The following KCNIP4 variants were observed in gnomAD, a reference collection of about 807,000 sequenced individuals.
KCNIP4 encodes the protein potassium voltage-gated channel interacting protein 4.
KCNIP4 carries 12 observed loss-of-function variants against 34.0 expected under a neutral mutation model. The observed-to-expected ratio is 0.35, with a 90% CI of 0.23 to 0.57. KCNIP4 has a LOEUF of 0.57. Ranked by LOEUF, KCNIP4 falls within the 20% of genes least tolerant of loss-of-function variation. The pLI is 0.83. For missense variants in KCNIP4, 238 were observed against 311.7 expected (o/e 0.76, Z 1.78); for synonymous variants, 124 against 102.2 (o/e 1.21, Z -1.29).
chr4:21,121,912 C>T (rs1027013221), intron 1 of KCNIP4, among the ~76,000 whole-genome samples: 3 of 152,098 alleles, frequency 2.0e-5, no homozygotes, highest in Admixed American at 6.5e-5. Context: ...AAATTGGAGG[C>T]AATGGCCATC....
At chr4:21,213,120 A>G (rs916332933) in intron 1 of KCNIP4, among the ~76,000 whole-genome samples, 1 of 152,120 alleles carries the variant, frequency 6.6e-6, no homozygotes, top group Non-Finnish European at 1.5e-5. Flanking sequence ...GACGAGGTGC[A>G]TGCTGTTTCT....
chr4:21,800,439 G>T (rs532038468), intron 1 of KCNIP4, among the ~76,000 whole-genome samples: 1 of 152,148 alleles, frequency 6.6e-6, no homozygotes, highest in African/African-American at 2.4e-5. Flanking sequence ...TTATAAAAAT[G>T]AACCAAATCA....
intron 4 of KCNIP4, 76 bp downstream of exon 4, chr4:20,758,745 A>T: frequency 9.4e-7 from 1 of 1,064,304 alleles, no homozygotes; most frequent in Non-Finnish European, 1.4e-6. Flanking sequence ...GCATCATGCT[A>T]TGAAAAATTA....
At chr4:21,254,792 C>A (rs533097949) in intron 1 of KCNIP4, among the ~76,000 whole-genome samples, 1 of 152,118 alleles carries the variant, frequency 6.6e-6, no homozygotes, top group Admixed American at 6.6e-5. Context: ...AACCTGTAAC[C>A]AAACTTTGGT....
chr4:20,992,042 G>A (rs892021900), intron 1 of KCNIP4, among the ~76,000 whole-genome samples: 2 of 152,222 alleles, frequency 1.3e-5, no homozygotes, highest in Non-Finnish European at 2.9e-5. Context: ...TTCCAATTCT[G>A]AAGAGAAACT....
rs768668990 is a variant in KCNIP4 at position 20,905,522 on chromosome 4, T to TTTTTTTTTTTTTTTTG, written c.62-22814_62-22813insCAAAAAAAAAAAAAAA. 1.8e-3 allele frequency among the ~76,000 whole-genome samples: 199 copies of TTTTTTTTTTTTTTTTG among 111,170 alleles called. 4 individuals are homozygous for TTTTTTTTTTTTTTTTG. The highest frequency in any genetic ancestry group is 5.5e-3 in the Middle Eastern group (1 of 182). The allele number at this position is 111,170 out of a possible 152,430, so 72.9% of individuals were successfully genotyped here. On this transcript the variant is annotated intron_variant, in intron 1 of 8. Coordinates refer to ENST00000382152, the MANE Select transcript of KCNIP4 (RefSeq NM_025221.6). ...AACGTTTTCTTTCTTTTTTTTTTTT[T>TTTTTTTTTTTTTTTTG]TTTGTTTGAGATGGAGTCTTGCTCT...
chr4:21,092,888 C>G (rs1747124238), intron 1 of KCNIP4, among the ~76,000 whole-genome samples: 1 of 152,134 alleles, frequency 6.6e-6, no homozygotes, highest in South Asian at 2.1e-4. Context: ...ACAGGTGGAC[C>G]AACATGATCT....
chr4:21,197,271 A>T (rs2109363789), intron 1 of KCNIP4, among the ~76,000 whole-genome samples: 1 of 152,310 alleles, frequency 6.6e-6, no homozygotes, highest in East Asian at 1.9e-4. Context: ...TGGGTATATA[A>T]CTAGGAGTGG....
intron 1 of KCNIP4, among the ~76,000 whole-genome samples, chr4:21,793,798 G>A (rs191469484): frequency 6.6e-6 from 1 of 152,070 alleles, no homozygotes; most frequent in East Asian, 1.9e-4. Context: ...ATACCCAAAG[G>A]ATTATAAATC....
At chr4:21,332,933 T>A (rs1435939565) in intron 1 of KCNIP4, among the ~76,000 whole-genome samples, 1 of 152,102 alleles carries the variant, frequency 6.6e-6, no homozygotes, top group Non-Finnish European at 1.5e-5. Context: ...CTTACAATGT[T>A]TCAGCTTCAA....
intron 1 of KCNIP4, among the ~76,000 whole-genome samples, chr4:21,520,276 A>G (rs1735412779): frequency 6.6e-6 from 1 of 152,116 alleles, no homozygotes; most frequent in Non-Finnish European, 1.5e-5. Flanking sequence ...GTTGACACTC[A>G]GTATTAACCA....
At chr4:21,659,017 T>C (rs948893842) in intron 1 of KCNIP4, among the ~76,000 whole-genome samples, 3 of 152,198 alleles carry the variant, frequency 2.0e-5, no homozygotes, top group African/African-American at 7.2e-5. Flanking sequence ...CTCTCAACAA[T>C]ATGTATAATT....
intron 1 of KCNIP4, among the ~76,000 whole-genome samples, chr4:21,299,884 TG>T (rs1392838057): frequency 6.6e-6 from 1 of 152,164 alleles, no homozygotes; most frequent in Non-Finnish European, 1.5e-5. Flanking sequence ...TTAAGCCTCT[TG>T]GGGGAAGCTT....
At chr4:21,405,625 T>G (rs571526573) in intron 1 of KCNIP4, among the ~76,000 whole-genome samples, 18 of 152,184 alleles carry the variant, frequency 1.2e-4, no homozygotes, top group African/African-American at 4.1e-4. Flanking sequence ...AGAAATAACA[T>G]CTTTTAAACA....
At chr4:21,439,161 C>CAAA (rs76317670) in intron 1 of KCNIP4, among the ~76,000 whole-genome samples, 5 of 93,262 alleles carry the variant, frequency 5.4e-5, no homozygotes, top group Admixed American at 1.3e-4. Context: ...TAATCTGTCT[C>CAAA]AAAAAAAAAA....
chr4:21,321,320 A>G (rs1188653438), intron 1 of KCNIP4, among the ~76,000 whole-genome samples: 1 of 152,190 alleles, frequency 6.6e-6, no homozygotes, highest in Non-Finnish European at 1.5e-5. Flanking sequence ...TGATAAAAAG[A>G]TGAGTAGGGA....
At chr4:21,924,945 G>A (rs929850432) in intron 1 of KCNIP4, among the ~76,000 whole-genome samples, 8 of 152,044 alleles carry the variant, frequency 5.3e-5, no homozygotes, top group Non-Finnish European at 1.0e-4. Flanking sequence ...CCTTAAGATA[G>A]TGGTCAGTGA....
intron 1 of KCNIP4, among the ~76,000 whole-genome samples, chr4:21,678,377 A>AAAAAC (rs1750079093): frequency 7.0e-6 from 1 of 142,852 alleles, no homozygotes; most frequent in African/African-American, 2.6e-5. Flanking sequence ...GACCATGCAA[A>AAAAAC]AAAACAGCCA....
chr4:21,735,534 A>C (rs1183099045), intron 1 of KCNIP4, among the ~76,000 whole-genome samples: 1 of 152,194 alleles, frequency 6.6e-6, no homozygotes, highest in Non-Finnish European at 1.5e-5. Context: ...CAATGACACC[A>C]CATTGGCAGC....
Sources: gnomAD v4.1 joint callset for allele counts (sites outside exome capture counted in the v4.1 genomes callset) on GRCh38, gnomAD v4.1.1 for gene constraint, MANE v1.5 for transcripts, NCBI Gene and HGNC (gene_info 2026-07-23, HGNC 2026-07-21) for gene names.